BPI: variants seen among roughly 807,000 people sequenced by gnomAD.
The protein encoded by BPI is bactericidal permeability increasing protein.
BPI carries 48 observed loss-of-function variants against 57.6 expected under a neutral mutation model. The observed-to-expected ratio is 0.83, with a 90% CI of 0.66 to 1.06. The LOEUF is 1.06. Ranked by LOEUF, BPI falls within the 50% of genes least tolerant of loss-of-function variation. The pLI, the probability that BPI is intolerant of heterozygous loss-of-function variation, is 0.00. For missense variants in BPI, 651 were observed against 609.7 expected, an observed-to-expected ratio of 1.07 and a Z score of -0.71; for synonymous variants, 237 against 238.2, an observed-to-expected ratio of 0.99 and a Z score of 0.05.
intron 11 of BPI, among the ~76,000 whole-genome samples, chr20:38,328,731 C>A (rs2076726680): frequency 6.6e-6 from 1 of 151,774 alleles, no homozygotes; most frequent in Non-Finnish European, 1.5e-5. Flanking sequence ...GGCATGGTGG[C>A]TCACGCCTCT....
At position 38,323,834 on chromosome 20, in the gene BPI, G is replaced by A; in HGVS notation, c.757-36G>A. 2.5e-6 allele frequency: 4 copies of A among 1,594,898 alleles called. 1 individual carries two copies. Among genetic ancestry groups the A allele is most frequent in the Non-Finnish European group, 3.4e-6 (4 of 1,169,484 alleles). On this transcript the variant is annotated intron_variant, in intron 7 of 14. Transcript: ENST00000642449. ...GAGATGTTGACTTATAATTCCTGAA[G>A]AATATCTGGGCTCACTCTGTTGCCT...
intron 5 of BPI, 122 bp from the exon 6 acceptor site, chr20:38,318,291 G>C: frequency 8.1e-7 from 1 of 1,227,354 alleles, no homozygotes; most frequent in Middle Eastern, 1.9e-4. Context: ...AGGGAAACTT[G>C]ATTGGCTACA....
chr20:38,307,274 C>A (rs2076601337), intron 1 of BPI, among the ~76,000 whole-genome samples: 1 of 152,072 alleles, frequency 6.6e-6, no homozygotes, highest in Non-Finnish European at 1.5e-5. Flanking sequence ...TCAATGCCAA[C>A]AAATAAAGTG....
intron 5 of BPI, among the ~76,000 whole-genome samples, chr20:38,314,368 T>A (rs1257040017): frequency 2.7e-5 from 4 of 150,452 alleles, no homozygotes; most frequent in Non-Finnish European, 4.4e-5. Context: ...GGGATGATGA[T>A]GATGATGGTG....
At chr20:38,329,942 C>A (rs1369469880) in intron 11 of BPI, among the ~76,000 whole-genome samples, 2 of 152,110 alleles carry the variant, frequency 1.3e-5, no homozygotes, top group East Asian at 3.8e-4. Flanking sequence ...GAACTCCTGA[C>A]TTCAAGTGAT....
intron 11 of BPI, among the ~76,000 whole-genome samples, chr20:38,329,202 A>T (rs6014745): frequency 6.6e-6 from 1 of 151,436 alleles, no homozygotes; most frequent in South Asian, 2.1e-4. Context: ...CACTCAGAGA[A>T]ACAGAGGGAG....
chr20:38,314,890 G>A (rs1195038542), intron 5 of BPI, among the ~76,000 whole-genome samples: 1 of 151,566 alleles, frequency 6.6e-6, no homozygotes, highest in Non-Finnish European at 1.5e-5. Flanking sequence ...TGGTGAGACT[G>A]ATGATGGTGA....
intron 6 of BPI, chr20:38,319,951 C>T (rs770217597): frequency 4.6e-5 from 25 of 544,196 alleles, no homozygotes; most frequent in Non-Finnish European, 6.9e-5. Flanking sequence ...TGTGTCTTAG[C>T]GACTCATCTC....
intron 12 of BPI, 40 bp downstream of exon 12, chr20:38,331,130 C>T (rs2076740419): frequency 1.9e-6 from 3 of 1,601,148 alleles, no homozygotes; most frequent in Non-Finnish European, 2.6e-6. Flanking sequence ...CTCCTTCTGA[C>T]CTGGCGGCGG....
At chr20:38,317,700 C>A in intron 5 of BPI, 1 of 952,934 alleles carries the variant, frequency 1.0e-6, no homozygotes, top group Non-Finnish European at 1.7e-6. Flanking sequence ...GGGGGTGTGG[C>A]AAAGCCACAT....
intron 9 of BPI, among the ~76,000 whole-genome samples, chr20:38,325,419 C>G (rs976982029): frequency 6.6e-6 from 1 of 152,220 alleles, no homozygotes; most frequent in African/African-American, 2.4e-5. Context: ...CTAGTGAGGG[C>G]TCTCTTCCTG....
intron 13 of BPI, chr20:38,335,345 C>G (rs765776034): frequency 2.0e-4 from 114 of 560,494 alleles, no homozygotes; most frequent in Non-Finnish European, 3.2e-4. Context: ...AGCAGTGCTG[C>G]ACCCTCAGGA....
intron 5 of BPI, among the ~76,000 whole-genome samples, chr20:38,315,111 T>G (rs1286100452): frequency 6.6e-6 from 1 of 152,104 alleles, no homozygotes; most frequent in African/African-American, 2.4e-5. Flanking sequence ...ATTCCAGCAT[T>G]TAATCCACAC....
chr20:38,322,223 C>T (rs1235906975), intron 7 of BPI, among the ~76,000 whole-genome samples: 1 of 152,092 alleles, frequency 6.6e-6, no homozygotes, highest in African/African-American at 2.4e-5. Context: ...CTGCAGTGAT[C>T]ATCCTTGCAA....
At chr20:38,318,312 G>A (rs774275266) in intron 5 of BPI, 101 bp from the exon 6 acceptor site, 3 of 1,352,866 alleles carry the variant, frequency 2.2e-6, no homozygotes, top group East Asian at 2.3e-5. Context: ...TAATTTTCAA[G>A]AAAACATTCA....
chr20:38,316,554 G>T (rs2076653051), intron 5 of BPI, among the ~76,000 whole-genome samples: 1 of 152,254 alleles, frequency 6.6e-6, no homozygotes, highest in East Asian at 1.9e-4. Flanking sequence ...CAGGGTTTGG[G>T]TGCAAGTCAT....
chr20:38,327,987 C>G (rs988780290), intron 11 of BPI, among the ~76,000 whole-genome samples: 1 of 152,148 alleles, frequency 6.6e-6, no homozygotes, highest in Non-Finnish European at 1.5e-5. Context: ...CTGATGATCC[C>G]CACTGAACCA....
chr20:38,313,401 A>T (rs1166152511), intron 5 of BPI, among the ~76,000 whole-genome samples: 10 of 150,840 alleles, frequency 6.6e-5, no homozygotes, highest in South Asian at 2.1e-4. Context: ...AAAAAAAAAA[A>T]AAAAAAAAAA....
At chr20:38,329,005 CTAAA>C (rs1555840412) in intron 11 of BPI, among the ~76,000 whole-genome samples, 1,472 of 134,918 alleles carry the variant, frequency 0.011, 31 homozygotes, top group African/African-American at 0.039. Context: ...GACCCTGTCT[CTAAA>C]TAAATAAATA....
Sources: gnomAD v4.1 joint callset for allele counts (sites outside exome capture counted in the v4.1 genomes callset) on GRCh38, gnomAD v4.1.1 for gene constraint, MANE v1.5 for transcripts, NCBI Gene and HGNC (gene_info 2026-07-23, HGNC 2026-07-21) for gene names.